Variants in KAZN observed in about 807,000 individuals in gnomAD.
The protein encoded by KAZN is kazrin, periplakin interacting protein.
KAZN carries 40 observed loss-of-function variants against 87.4 expected under a neutral mutation model. The observed-to-expected ratio is 0.46, with a 90% CI of 0.36 to 0.60. The LOEUF (loss-of-function observed/expected upper bound fraction) is 0.60, where lower values mean the gene tolerates loss of function less well. Among genes scored for constraint, KAZN ranks in the 20% least tolerant of loss-of-function variants. The pLI, the probability that KAZN is intolerant of heterozygous loss-of-function variation, is 0.00. For synonymous variants in KAZN, 466 were observed against 458.3 expected (o/e 1.02, Z -0.22); for missense variants, 898 against 1,073.9 (o/e 0.84, Z 2.29).
intron 2 of KAZN, among the ~76,000 whole-genome samples, chr1:14,379,413 G>A (rs1475980456): frequency 2.0e-5 from 3 of 152,112 alleles, no homozygotes; most frequent in Non-Finnish European, 2.9e-5. Context: ...CTCAGCCACA[G>A]AGAAGTAAAG....
intron 2 of KAZN, among the ~76,000 whole-genome samples, chr1:14,352,506 C>A (rs922881164): frequency 1.2e-4 from 19 of 152,192 alleles, no homozygotes; most frequent in African/African-American, 4.6e-4. Context: ...AGTCTTAATT[C>A]TTCTACTACT....
intron 2 of KAZN, among the ~76,000 whole-genome samples, chr1:14,567,302 G>C (rs1489690794): frequency 6.6e-6 from 1 of 152,096 alleles, no homozygotes; most frequent in Non-Finnish European, 1.5e-5. Context: ...AATTTCTCAA[G>C]TTGGTTCACC....
At chr1:14,966,014 G>A (rs936153529) in intron 2 of KAZN, among the ~76,000 whole-genome samples, 1 of 107,710 alleles carries the variant, frequency 9.3e-6, no homozygotes, top group Non-Finnish European at 1.7e-5. Flanking sequence ...TAGTTTCACT[G>A]TGTCACCCAG....
chr1:14,888,084 C>T (rs961903009), intron 1 of KAZN, among the ~76,000 whole-genome samples: 1 of 152,188 alleles, frequency 6.6e-6, no homozygotes, highest in Non-Finnish European at 1.5e-5. Flanking sequence ...CTCATTGCCA[C>T]TGCTTTAATG....
intron 1 of KAZN, among the ~76,000 whole-genome samples, chr1:13,907,528 G>A (rs1002038742): frequency 2.0e-5 from 3 of 151,770 alleles, no homozygotes; most frequent in African/African-American, 4.8e-5. Flanking sequence ...GTGGGAATGG[G>A]GGGTCTTGGA....
At chr1:14,903,140 ATTACAGG>A (rs1329666716) in intron 1 of KAZN, among the ~76,000 whole-genome samples, 1 of 152,132 alleles carries the variant, frequency 6.6e-6, no homozygotes, top group Non-Finnish European at 1.5e-5. Context: ...CAGTGCTGGG[ATTACAGG>A]TGTGAGCCAC....
chr1:14,337,860 C>CTCCA (rs1657385172), intron 2 of KAZN, among the ~76,000 whole-genome samples: 1 of 147,680 alleles, frequency 6.8e-6, no homozygotes, highest in African/African-American at 2.5e-5. Flanking sequence ...AATCACTGTA[C>CTCCA]TCCAGCCTGG....
At chr1:14,365,041 C>A (rs995144556) in intron 2 of KAZN, among the ~76,000 whole-genome samples, 7 of 151,442 alleles carry the variant, frequency 4.6e-5, no homozygotes, top group African/African-American at 1.2e-4. Flanking sequence ...CCATGCCCGG[C>A]CCCCTCTCTT....
At chr1:14,367,871 G>A (rs1192196253) in intron 2 of KAZN, among the ~76,000 whole-genome samples, 2 of 152,148 alleles carry the variant, frequency 1.3e-5, no homozygotes, top group African/African-American at 4.8e-5. Context: ...CCTTCTCTCA[G>A]ATCCTTGGAG....
At chr1:15,071,254 T>C (rs1029703484) in intron 8 of KAZN, among the ~76,000 whole-genome samples, 1 of 150,634 alleles carries the variant, frequency 6.6e-6, no homozygotes, top group Non-Finnish European at 1.5e-5. Flanking sequence ...TTTATTTTTC[T>C]TTTTTTTTCT....
intron 1 of KAZN, among the ~76,000 whole-genome samples, chr1:14,686,893 T>C (rs1640987128): frequency 1.3e-5 from 2 of 152,240 alleles, no homozygotes; most frequent in African/African-American, 4.8e-5. Flanking sequence ...CCTTCACTGA[T>C]ACAGAGCTTA....
chr1:14,389,243 A>T (rs1218036583), intron 2 of KAZN, among the ~76,000 whole-genome samples: 1 of 152,228 alleles, frequency 6.6e-6, no homozygotes, highest in Non-Finnish European at 1.5e-5. Flanking sequence ...ACCCTCGTAC[A>T]TTGTAGATGG....
intron 2 of KAZN, among the ~76,000 whole-genome samples, chr1:14,183,061 G>A (rs554683905): frequency 4.1e-4 from 63 of 152,224 alleles, no homozygotes; most frequent in Admixed American, 1.1e-3. Flanking sequence ...CTTGCAAGTC[G>A]AATGAAGTCA....
intron 1 of KAZN, among the ~76,000 whole-genome samples, chr1:13,955,065 T>A (rs1345033278): frequency 1.3e-5 from 2 of 152,196 alleles, no homozygotes; most frequent in Non-Finnish European, 2.9e-5. Context: ...TGAAAGGTCC[T>A]CAGAAAATGA....
chr1:14,001,017 C>T lies in KAZN; in HGVS notation c.91+107261C>T, dbSNP rs574638738. On this transcript the variant is annotated intron_variant, in intron 1 of 16. Transcript: ENST00000636203. ...CGGGATGGTCTCGATCTCCTGACCT[C>T]GTGATCCGCCCGCCTCAGCCTCCCA... Among the ~76,000 whole-genome samples the T allele has an allele frequency of 4.6e-5, 7 of 151,912 alleles. No homozygotes were observed. The East Asian group carries it at 5.8e-4, about 13-fold the overall frequency.
chr1:14,735,589 C>T lies in KAZN; in HGVS notation c.226+136366C>T, dbSNP rs1381000778. 1.3e-5 allele frequency among the ~76,000 whole-genome samples: 2 copies of T among 152,138 alleles called. No homozygotes were observed. Among genetic ancestry groups the T allele is most frequent in the African/African-American group, 4.8e-5 (2 of 41,434 alleles). The stretch of plus-strand genomic sequence containing the variant: ...ACACCTAACGGCCGTTTTCACATGG[C>T]AGCCCCCCACGCTGAGATCCATATA... On this transcript the variant is annotated intron_variant, in intron 1 of 14. Coordinates refer to ENST00000376030, the MANE Select transcript of KAZN (RefSeq NM_201628.3). The surrounding 1 kb of genome is among the most constrained non-coding windows in gnomAD (Gnocchi z 4.3).
intron 1 of KAZN, among the ~76,000 whole-genome samples, chr1:14,695,508 A>ATTTTTTTTTTTTT (rs1230082930): frequency 1.5e-5 from 1 of 67,782 alleles, no homozygotes; most frequent in African/African-American, 5.4e-5. Context: ...ACTACATTCC[A>ATTTTTTTTTTTTT]TCTTTTTTTT....
Position 14,132,771 on chromosome 1 carries a change from G to A in KAZN, c.92-47664G>A, listed in dbSNP as rs181041394. Among the ~76,000 whole-genome samples the A allele has an allele frequency of 1.1e-4, 16 of 152,202 alleles. No individual in the cohort carries two copies. The East Asian group carries it at 3.1e-3, about 29-fold the overall frequency. The stretch of plus-strand genomic sequence containing the variant: ...ATACATGACAGCCCCTCACATATTA[G>A]GAGATAGTTAGCCTGTCTCCCTTTG... On this transcript the variant is annotated intron_variant, in intron 1 of 16. Coordinates refer to the KAZN transcript ENST00000636203.
chr1:15,048,753 CGATCCTGGGTCGTCGATCCTGGGTCGTT>C lies in KAZN; in HGVS notation c.726+4601_726+4628del, dbSNP rs1557754781. Among the ~76,000 whole-genome samples the C allele has an allele frequency of 7.7e-3, 966 of 125,998 alleles. 38 individuals carry two copies. Among genetic ancestry groups the C allele is most frequent in the African/African-American group, 0.028 (904 of 32,056 alleles). The allele number at this position is 125,998 out of a possible 152,430, so 82.7% of individuals were successfully genotyped here. Reference sequence around the variant, plus strand: ...TCATGGGTCGTCGATCCTGGGTCGTCGATCCTGGGTCGTCGATCCTGGGTCGTTGATCCTTGGTCATTGGTCCTGAGTC... The same window carrying C: ...TCATGGGTCGTCGATCCTGGGTCGTCGATCCTTGGTCATTGGTCCTGAGTC... On this transcript the variant is annotated intron_variant, in intron 4 of 14. Transcript: ENST00000376030.
Sources: allele counts gnomAD v4.1 joint callset (sites outside exome capture counted in the v4.1 genomes callset), GRCh38; gene constraint gnomAD v4.1.1; non-coding constraint Gnocchi (gnomAD v3.1); transcripts MANE v1.5; gene names NCBI Gene and HGNC (gene_info 2026-07-23, HGNC 2026-07-21).